Variants in FAM184B observed in about 807,000 individuals in gnomAD.
FAM184B encodes the protein family with sequence similarity 184 member B.
In FAM184B, 111 loss-of-function variants were observed where a neutral mutation model predicts 135.9. That is an observed-to-expected ratio of 0.82 (90% CI 0.70 to 0.96). The LOEUF (loss-of-function observed/expected upper bound fraction) is 0.96. Among genes scored for constraint, FAM184B ranks in the 40% least tolerant of loss-of-function variants. The probability of loss-of-function intolerance (pLI) is 0.00; values close to 1 mark genes in which losing one functional copy is unlikely to be tolerated. For synonymous variants in FAM184B, 552 were observed against 524.8 expected (o/e 1.05, Z -0.71); for missense variants, 1,375 against 1,323.9 (o/e 1.04, Z -0.60).
chr4:17,771,868 C>T (rs577920358), intron 1 of FAM184B, among the ~76,000 whole-genome samples: 56 of 152,318 alleles, frequency 3.7e-4, no homozygotes, highest in African/African-American at 1.2e-3. Flanking sequence ...AGATATGCCC[C>T]GTGTTGGGTT....
intron 12 of FAM184B, among the ~76,000 whole-genome samples, chr4:17,646,617 T>C (rs1164743626): frequency 1.3e-5 from 2 of 151,990 alleles, no homozygotes; most frequent in Non-Finnish European, 2.9e-5. Flanking sequence ...CATTAGGAGA[T>C]ATACCTAATG....
At chr4:17,751,823 G>GCACACACACACACACACACACACACACA (rs3222789) in intron 1 of FAM184B, among the ~76,000 whole-genome samples, 3 of 115,834 alleles carry the variant, frequency 2.6e-5, no homozygotes, top group East Asian at 2.8e-4. Context: ...TAAAAACAAG[G>GCACACACACACACACACACACACACACA]CACACACACA....
Position 17,709,423 on chromosome 4 carries a change from C to T in FAM184B, c.363G>A (p.Glu121=), listed in dbSNP as rs1162105227. Residue 121 remains glutamate (E), a synonymous_variant, in exon 2 of 18, where the codon GAG becomes GAA. Coordinates refer to ENST00000265018, the MANE Select transcript of FAM184B (RefSeq NM_015688.2). ...QKRLTEEALA[E]SASCRLETKE... ...TCGTCTCCAGCCTGCACGAGGCCGA[C>T]TCAGCCAGCGCCTCCTCCGTCAGCC... 2.0e-6 allele frequency: 3 copies of T among 1,518,706 alleles called. No individual in the cohort carries two copies. Among genetic ancestry groups the T allele is most frequent in the Non-Finnish European group, 2.7e-6 (3 of 1,127,920 alleles). The allele number at this position is 1,518,706 out of a possible 1,614,324, so 94.1% of individuals were successfully genotyped here. A position where few individuals can be genotyped will look rare whatever the true frequency, so the allele number is the denominator to read the frequency against.
intron 12 of FAM184B, among the ~76,000 whole-genome samples, chr4:17,644,843 T>G (rs1391543248): frequency 1.3e-5 from 2 of 152,200 alleles, no homozygotes; most frequent in Admixed American, 1.3e-4. Flanking sequence ...CCCCATTGTC[T>G]CAGCCCAAAA....
chr4:17,751,838 C>CACAT (rs1305524742), intron 1 of FAM184B, among the ~76,000 whole-genome samples: 1 of 150,480 alleles, frequency 6.6e-6, no homozygotes, highest in African/African-American at 2.4e-5. Context: ...CACACACACA[C>CACAT]ACACACACAC....
chr4:17,665,675 C>G (rs1201612638), intron 7 of FAM184B, among the ~76,000 whole-genome samples: 1 of 152,106 alleles, frequency 6.6e-6, no homozygotes, highest in Non-Finnish European at 1.5e-5. Context: ...GGGCCTTGGG[C>G]TCCCATCCAC....
chr4:17,674,514 G>T (rs911546313), intron 7 of FAM184B, among the ~76,000 whole-genome samples: 1 of 152,156 alleles, frequency 6.6e-6, no homozygotes, highest in African/African-American at 2.4e-5. Flanking sequence ...GGTCATTGCT[G>T]AAGGCTGGGG....
At chr4:17,649,519 A>G (rs916149403) in intron 11 of FAM184B, among the ~76,000 whole-genome samples, 1 of 151,348 alleles carries the variant, frequency 6.6e-6, no homozygotes. Flanking sequence ...GGGTGGTGGG[A>G]CTTGCAGTGA....
intron 1 of FAM184B, among the ~76,000 whole-genome samples, chr4:17,767,017 G>C (rs921403589): frequency 2.0e-5 from 3 of 152,202 alleles, no homozygotes; most frequent in Admixed American, 6.5e-5. Context: ...ACTGCTGGGG[G>C]ATCTGGTGCA....
chr4:17,741,198 G>C (rs1326059794), intron 1 of FAM184B, among the ~76,000 whole-genome samples: 1 of 152,154 alleles, frequency 6.6e-6, no homozygotes, highest in African/African-American at 2.4e-5. Flanking sequence ...TATTAAATGA[G>C]TAGAATAAAC....
chr4:17,770,383 G>A (rs1475779754), intron 1 of FAM184B, among the ~76,000 whole-genome samples: 2 of 152,164 alleles, frequency 1.3e-5, no homozygotes, highest in Non-Finnish European at 2.9e-5. Flanking sequence ...GAATGGAGGT[G>A]GACTTACTCA....
chr4:17,731,221 C>T (rs56262123), intron 1 of FAM184B, among the ~76,000 whole-genome samples: 56,660 of 152,080 alleles, frequency 0.37, 12,153 homozygotes, highest in Non-Finnish European at 0.49. Flanking sequence ...ACTGCAAAAA[C>T]ATGCCAAAAT....
chr4:17,774,205 C>G lies in FAM184B; in HGVS notation c.141+6954G>C, dbSNP rs139788528. Among the ~76,000 whole-genome samples, 54 of 152,076 alleles carry G rather than the reference C, an allele frequency of 3.6e-4. 1 individual carries two copies. In the East Asian group the frequency reaches 0.01, roughly 29 times the overall value. Reference sequence around the variant, plus strand: ...CAGCCTGAGCAACATAGTGAGACCTCGTCTCTACCAAAAAAAGCCGGACGT... The same window carrying G: ...CAGCCTGAGCAACATAGTGAGACCTGGTCTCTACCAAAAAAAGCCGGACGT... On this transcript the variant is annotated intron_variant, in intron 1 of 17. Coordinates refer to ENST00000265018, the MANE Select transcript of FAM184B (RefSeq NM_015688.2).
At chr4:17,712,821 G>A (rs1191232758) in intron 1 of FAM184B, among the ~76,000 whole-genome samples, 1 of 152,168 alleles carries the variant, frequency 6.6e-6, no homozygotes, top group Non-Finnish European at 1.5e-5. Flanking sequence ...TAGAAAATAG[G>A]CCAATCGGGA....
In FAM184B at chr4:17,629,838, A is replaced by G. The variant is rs1284500273; in HGVS notation, c.*2694T>C. ...GTGTTAGGGCACAGTAGGTTCATTT[A>G]CTGCTGGTAAGGGTGTAAATTGTTA... is the stretch of plus-strand genomic sequence containing the variant. On this transcript the variant is annotated 3_prime_UTR_variant, in exon 18 of 18. Transcript: ENST00000265018. 6.6e-6 allele frequency: 1 copy of G among 152,180 alleles called. No homozygotes were observed. The highest frequency in any genetic ancestry group is 1.5e-5 in the Non-Finnish European group (1 of 68,034). 9.4% of individuals were successfully genotyped at this position (152,180 alleles called of 1,614,324 possible).
rs1272145754 is a variant in FAM184B at position 17,695,958 on chromosome 4, C to T, written c.1378-2546G>A. Among the ~76,000 whole-genome samples, 5 of 152,142 alleles carry T rather than the reference C, an allele frequency of 3.3e-5. 1 individual carries two copies. The highest frequency in any genetic ancestry group is 7.2e-5 in the African/African-American group (3 of 41,426). ...ATAAGACATTAAAGAACCAAGCCCTCGGACACTCCAAAATTTCCTGTGAAT... is the reference window on the plus strand; with the variant it reads ...ATAAGACATTAAAGAACCAAGCCCTTGGACACTCCAAAATTTCCTGTGAAT... On this transcript the variant is annotated intron_variant, in intron 5 of 17. Transcript: ENST00000265018.
intron 1 of FAM184B, among the ~76,000 whole-genome samples, chr4:17,764,200 G>A (rs1250189298): frequency 1.3e-5 from 2 of 152,212 alleles, no homozygotes; most frequent in African/African-American, 2.4e-5. Context: ...AAACGGAAGA[G>A]GGGAGAGATT....
intron 1 of FAM184B, among the ~76,000 whole-genome samples, chr4:17,757,954 C>G (rs1028579967): frequency 3.3e-5 from 5 of 152,150 alleles, no homozygotes; most frequent in African/African-American, 1.2e-4. Flanking sequence ...ACCCTGACCT[C>G]TCTCTTGAAG....
rs1715035979 is a variant in FAM184B, at chr4:17,633,745, G to A, written c.3033C>T (p.Pro1011=). Residue 1011 remains proline, a synonymous_variant, in exon 17 of 18, where the codon CCC becomes CCT. Coordinates refer to ENST00000265018, the MANE Select transcript of FAM184B (RefSeq NM_015688.2). The part of the protein sequence containing the change: ...ITTSPSLDPS[P]SCGRTYKPNQ... ...TGGGTTTGTAGGTCCGGCCACAGCT[G>A]GGGCTTGGGTCCAAGCTGGGTGATG... 6.4e-7 allele frequency: 1 copy of A among 1,550,732 alleles called. No homozygotes were observed. The highest frequency in any genetic ancestry group is 8.7e-7 in the Non-Finnish European group (1 of 1,146,574).
Sources: gnomAD v4.1 joint callset for allele counts (sites outside exome capture counted in the v4.1 genomes callset) on GRCh38, gnomAD v4.1.1 for gene constraint, MANE v1.5 for transcripts, NCBI Gene and HGNC (gene_info 2026-07-23, HGNC 2026-07-21) for gene names.